Variants in NKAIN2 observed in about 807,000 individuals in gnomAD.
NKAIN2 encodes sodium/potassium-transporting ATPase subunit beta-1-interacting protein 2.
NKAIN2 carries 14 observed loss-of-function variants against 32.6 expected under a neutral mutation model. The ratio of observed to expected loss-of-function variants is 0.43; its 90% confidence interval spans 0.28 to 0.67. The LOEUF (loss-of-function observed/expected upper bound fraction) is 0.67. Among genes scored for constraint, NKAIN2 ranks in the 30% least tolerant of loss-of-function variants. The probability of loss-of-function intolerance (pLI) is 0.17; values close to 1 mark genes in which losing one functional copy is unlikely to be tolerated. For synonymous variants in NKAIN2, 80 were observed against 87.2 expected, an observed-to-expected ratio of 0.92 and a Z score of 0.46; for missense variants, 198 against 258.3, an observed-to-expected ratio of 0.77 and a Z score of 1.60.
chr6:124,299,700 T>A (rs1323983592), intron 2 of NKAIN2, among the ~76,000 whole-genome samples: 1 of 152,232 alleles, frequency 6.6e-6, no homozygotes, highest in East Asian at 1.9e-4. Context: ...TCTTTTCTAG[T>A]TCTACTTCTG....
chr6:124,030,166 G>T (rs1387992725), intron 1 of NKAIN2, among the ~76,000 whole-genome samples: 1 of 152,046 alleles, frequency 6.6e-6, no homozygotes, highest in Non-Finnish European at 1.5e-5. Flanking sequence ...ACATGGTCAG[G>T]GCTCCCACTG....
chr6:123,939,608 A>G (rs969722004), intron 1 of NKAIN2, among the ~76,000 whole-genome samples: 1 of 152,126 alleles, frequency 6.6e-6, no homozygotes, highest in African/African-American at 2.4e-5. Flanking sequence ...ATTTTCTATC[A>G]TATTCAATTT....
At chr6:124,433,496 A>G (rs1412652705) in intron 3 of NKAIN2, among the ~76,000 whole-genome samples, 1 of 152,190 alleles carries the variant, frequency 6.6e-6, no homozygotes, top group African/African-American at 2.4e-5. Context: ...CATGTGGAAA[A>G]ATGATAAAGT....
At position 124,775,715 on chromosome 6, in the gene NKAIN2, G is replaced by A. The variant is rs188500155; in HGVS notation, c.475-15624G>A. The stretch of plus-strand genomic sequence containing the variant: ...CTGCAACATCAAGCTTGCACTCTAC[G>A]TGAGCAGTGACCCTACTATCTTAGC... On this transcript the variant is annotated intron_variant, in intron 4 of 6. Transcript: ENST00000368417. Among the ~76,000 whole-genome samples, 66 of 152,248 alleles carry A rather than the reference G, an allele frequency of 4.3e-4. 1 individual carries two copies. Among genetic ancestry groups the A allele is most frequent in the Admixed American group, 2.9e-3 (44 of 15,298 alleles).
At chr6:123,888,277 T>G (rs2114360937) in intron 1 of NKAIN2, among the ~76,000 whole-genome samples, 1 of 152,216 alleles carries the variant, frequency 6.6e-6, no homozygotes, top group East Asian at 1.9e-4. Flanking sequence ...TTAATGGAAG[T>G]CATATGTGAT....
intron 1 of NKAIN2, among the ~76,000 whole-genome samples, chr6:124,101,832 C>T (rs1223478478): frequency 1.3e-5 from 2 of 152,128 alleles, no homozygotes; most frequent in Admixed American, 6.5e-5. Context: ...GCACAGAAAC[C>T]TGCTCAGTGA....
At chr6:123,969,030 T>C (rs759013391) in intron 1 of NKAIN2, among the ~76,000 whole-genome samples, 1 of 152,138 alleles carries the variant, frequency 6.6e-6, no homozygotes, top group African/African-American at 2.4e-5. Context: ...TTTATAGTTC[T>C]GACTAAATGT....
chr6:124,749,452 A>G (rs1370140701), intron 4 of NKAIN2, among the ~76,000 whole-genome samples: 7 of 151,964 alleles, frequency 4.6e-5, no homozygotes, highest in African/African-American at 1.7e-4. Context: ...TCTCAACAAC[A>G]AATTTATAAA....
intron 1 of NKAIN2, among the ~76,000 whole-genome samples, chr6:123,976,247 A>ACATATATATATATATATGTTTC (rs1206185273): frequency 3.3e-5 from 4 of 122,156 alleles, no homozygotes; most frequent in South Asian, 2.8e-4. Context: ...AATAGCAAGA[A>ACATATATATATATATATGTTTC]CATATATATA....
intron 1 of NKAIN2, among the ~76,000 whole-genome samples, chr6:123,958,868 A>G (rs149461438): frequency 6.6e-6 from 1 of 152,328 alleles, no homozygotes; most frequent in East Asian, 1.9e-4. Context: ...TTTATAGACC[A>G]GGAAGAAAAG....
At chr6:124,343,401 G>T in intron 2 of NKAIN2, among the ~76,000 whole-genome samples, 1 of 150,354 alleles carries the variant, frequency 6.7e-6, no homozygotes, top group Admixed American at 6.6e-5. Flanking sequence ...CAGAGGAATC[G>T]CCACACTGAC....
rs545986894 is a variant in NKAIN2 at position 123,877,591 on chromosome 6, T to A, written c.54+73337T>A. ...CCATGCACTCTAGGTAATGATGGAA[T>A]GTGCTAAGTGGTGACTGAATGCCCT... On this transcript the variant is annotated intron_variant, in intron 1 of 6. Transcript: ENST00000368417. 2.2e-4 allele frequency among the ~76,000 whole-genome samples: 34 copies of A among 152,352 alleles called. 1 individual carries two copies. The South Asian group carries it at 3.1e-3, about 14-fold the overall frequency.
chr6:124,268,164 G>A (rs535836845), intron 1 of NKAIN2, among the ~76,000 whole-genome samples: 23 of 152,250 alleles, frequency 1.5e-4, no homozygotes, highest in Non-Finnish European at 3.1e-4. Context: ...TTCTAGTGAT[G>A]AGAGCCAACA....
intron 3 of NKAIN2, among the ~76,000 whole-genome samples, chr6:124,515,582 T>A (rs1015325956): frequency 2.0e-5 from 3 of 151,890 alleles, no homozygotes; most frequent in Non-Finnish European, 4.4e-5. Flanking sequence ...TCGTGACAAA[T>A]CTATCCCCAT....
In NKAIN2 at chr6:124,183,884, G is replaced by A. The variant is rs540762826; in HGVS notation, c.55-99121G>A. ...TACAGAAGATGATTTTTTAAAATGC[G>A]TTTTTGATTATCATGTAGAACTACA... On this transcript the variant is annotated intron_variant, in intron 1 of 6. Transcript: ENST00000368417. Among the ~76,000 whole-genome samples the A allele has an allele frequency of 7.9e-5, 12 of 152,114 alleles. No homozygotes were observed. The East Asian group carries it at 9.7e-4, about 12-fold the overall frequency.
intron 4 of NKAIN2, among the ~76,000 whole-genome samples, chr6:124,747,945 C>T (rs951916288): frequency 2.0e-5 from 3 of 151,802 alleles, no homozygotes; most frequent in African/African-American, 7.3e-5. Flanking sequence ...AATAGTGCTT[C>T]ACAAACAATT....
At chr6:123,845,847 A>G (rs548833069) in intron 1 of NKAIN2, among the ~76,000 whole-genome samples, 1 of 152,306 alleles carries the variant, frequency 6.6e-6, no homozygotes, top group East Asian at 1.9e-4. Context: ...CCAAGTGAAA[A>G]TGCCAGTTGG....
intron 1 of NKAIN2, among the ~76,000 whole-genome samples, chr6:124,075,030 A>G (rs996929938): frequency 7.9e-5 from 12 of 152,190 alleles, no homozygotes; most frequent in African/African-American, 2.9e-4. Flanking sequence ...AGTTTTGACA[A>G]GTGTTACCAC....
chr6:123,835,919 C>T (rs921914564), intron 1 of NKAIN2, among the ~76,000 whole-genome samples: 1 of 152,008 alleles, frequency 6.6e-6, no homozygotes, highest in Non-Finnish European at 1.5e-5. Flanking sequence ...CATTTATAAG[C>T]ATTAAATCAA....
Sources: allele counts gnomAD v4.1 joint callset (sites outside exome capture counted in the v4.1 genomes callset), GRCh38; gene constraint gnomAD v4.1.1; transcripts MANE v1.5; gene names NCBI Gene and HGNC (gene_info 2026-07-23, HGNC 2026-07-21).